ZBTB8A: variants seen among roughly 807,000 people sequenced by gnomAD.
ZBTB8A encodes zinc finger and BTB domain-containing protein 8A.
In ZBTB8A, 19 loss-of-function variants were observed where a neutral mutation model predicts 37.8. The ratio of observed to expected loss-of-function variants is 0.50; its 90% CI spans 0.35 to 0.74. The LOEUF is 0.74. Among genes scored for constraint, ZBTB8A ranks in the 30% least tolerant of loss-of-function variants. ZBTB8A has a pLI of 0.01. For missense variants in ZBTB8A, 394 were observed against 537.8 expected (o/e 0.73, Z 2.65); for synonymous variants, 181 against 185.2 (o/e 0.98, Z 0.19).
chr1:32,545,441 C>T (rs1375890572), intron 1 of ZBTB8A, among the ~76,000 whole-genome samples: 1 of 152,098 alleles, frequency 6.6e-6, no homozygotes, highest in East Asian at 1.9e-4. Context: ...TCCTTAGAGC[C>T]TCTAAACAGT....
At chr1:32,590,726 C>T (rs926313553) in intron 2 of ZBTB8A, among the ~76,000 whole-genome samples, 8 of 152,092 alleles carry the variant, frequency 5.3e-5, no homozygotes, top group Admixed American at 5.2e-4. Context: ...CTAATTCCTG[C>T]TCACCTTTGA....
intron 3 of ZBTB8A, 40 bp downstream of exon 3, chr1:32,593,794 A>C (rs750833444): frequency 6.7e-6 from 10 of 1,493,902 alleles, no homozygotes; most frequent in Non-Finnish European, 9.1e-6. Context: ...CCAGGTTCCA[A>C]ACTGCTATAT....
chr1:32,558,187 A>T (rs965343371), intron 2 of ZBTB8A, among the ~76,000 whole-genome samples: 3 of 152,136 alleles, frequency 2.0e-5, no homozygotes, highest in African/African-American at 7.2e-5. Context: ...CCTCTAAGAA[A>T]CAGATCATCT....
chr1:32,544,952 A>G (rs1358954335), intron 1 of ZBTB8A, among the ~76,000 whole-genome samples: 1 of 152,214 alleles, frequency 6.6e-6, no homozygotes, highest in Non-Finnish European at 1.5e-5. Context: ...AAATAATGCT[A>G]TTATAAACAT....
chr1:32,560,386 C>T (rs372383840), intron 2 of ZBTB8A, among the ~76,000 whole-genome samples: 2 of 152,264 alleles, frequency 1.3e-5, no homozygotes, highest in East Asian at 3.9e-4. Flanking sequence ...GACCCTTGAC[C>T]TGGGATGTCT....
At chr1:32,584,508 CTTTTTT>C (rs1177778440) in intron 2 of ZBTB8A, among the ~76,000 whole-genome samples, 1 of 117,876 alleles carries the variant, frequency 8.5e-6, no homozygotes, top group Non-Finnish European at 1.8e-5. Flanking sequence ...TTCTTTCTTT[CTTTTTT>C]TTTTTTTTTT....
Position 32,593,192 on chromosome 1 carries a change from ACTGT to A in ZBTB8A, c.264_267del (p.Ser89LeufsTer7), listed in dbSNP as rs1181663689. 6.2e-7 allele frequency: 1 copy of A among 1,614,002 alleles called. No individual in the cohort carries two copies. The highest frequency in any genetic ancestry group is 8.5e-7 in the Non-Finnish European group (1 of 1,180,050). ...TCTTGGACTTCGTATATTCTGGCAA[ACTGT>A]CTCTTACTGGTCAGAATGTCATAGA... On this transcript the variant is annotated frameshift_variant, in exon 3 of 5. Coordinates refer to ENST00000373510, the MANE Select transcript of ZBTB8A (RefSeq NM_001040441.3). LOFTEE classifies it high-confidence loss of function.
rs185229527 is a variant in ZBTB8A, at chr1:32,578,136, C to T, written c.-1-14795C>T. On this transcript the variant is annotated intron_variant, in intron 2 of 4. Transcript: ENST00000373510. ...GTCGCCCAGGCTGGCACAACCCTAG[C>T]TTACTGCAACCTCTACCTCCCGGGT... 1.8e-3 allele frequency among the ~76,000 whole-genome samples: 277 copies of T among 152,070 alleles called. 1 individual carries two copies. The highest frequency in any genetic ancestry group is 3.2e-4 in the Non-Finnish European group (22 of 67,990).
intron 2 of ZBTB8A, among the ~76,000 whole-genome samples, chr1:32,573,429 CT>C (rs1644337372): frequency 6.8e-6 from 1 of 147,988 alleles, no homozygotes; most frequent in African/African-American, 2.5e-5. Context: ...GAACTTTCTT[CT>C]TCTTTTTTTT....
At position 32,598,326 on chromosome 1, in the gene ZBTB8A, G is replaced by A. The variant is rs554362250; in HGVS notation, c.994-1761G>A. 2.7e-4 allele frequency among the ~76,000 whole-genome samples: 38 copies of A among 141,978 alleles called. No individual in the cohort carries two copies. In the East Asian group the frequency reaches 4.5e-3, roughly 17 times the overall value. 93.1% of individuals were successfully genotyped at this position (141,978 alleles called of 152,430 possible). A position where few individuals can be genotyped will look rare whatever the true frequency, so the allele number is the denominator to read the frequency against. On this transcript the variant is annotated intron_variant, in intron 4 of 4. Transcript: ENST00000373510. ...CAGCTCACTGCAACCTCCGCCTCCC[G>A]GGCTCAAGTGATTCTCCTGCCTCAG... is the stretch of plus-strand genomic sequence containing the variant.
intron 2 of ZBTB8A, among the ~76,000 whole-genome samples, chr1:32,585,702 G>GA (rs1158246307): frequency 6.6e-6 from 1 of 151,968 alleles, no homozygotes; most frequent in Non-Finnish European, 1.5e-5. Flanking sequence ...CAGCATTTTT[G>GA]AAAAAAATGT....
chr1:32,570,919 A>G (rs1458514024), intron 2 of ZBTB8A, among the ~76,000 whole-genome samples: 2 of 151,142 alleles, frequency 1.3e-5, no homozygotes, highest in Non-Finnish European at 2.9e-5. Flanking sequence ...TCTGTCACCC[A>G]GGCTGGAGTG....
At chr1:32,540,982 A>G (rs1004489236) in intron 1 of ZBTB8A, among the ~76,000 whole-genome samples, 2 of 152,258 alleles carry the variant, frequency 1.3e-5, no homozygotes, top group Admixed American at 6.5e-5. Context: ...TAGCCCTGAA[A>G]TCACCAGCTT....
In ZBTB8A at chr1:32,603,767, T is replaced by G. The variant is rs1255403571; in HGVS notation, c.*3348T>G. 1 of 152,656 alleles carries G rather than the reference T, an allele frequency of 6.6e-6. No individual in the cohort carries two copies. Among genetic ancestry groups the G allele is most frequent in the Admixed American group, 6.5e-5 (1 of 15,278 alleles). The allele number at this position is 152,656 out of a possible 1,614,324, so 9.5% of individuals were successfully genotyped here. A position where few individuals can be genotyped will look rare whatever the true frequency, so the allele number is the denominator to read the frequency against. On this transcript the variant is annotated 3_prime_UTR_variant, in exon 5 of 5. Coordinates refer to ENST00000373510, the MANE Select transcript of ZBTB8A (RefSeq NM_001040441.3). ...TTGCCTTTTCAGAAATAATGCTTTCTCATAATTGTTTATAACGAGCATCAA... is the reference window on the plus strand; with the variant it reads ...TTGCCTTTTCAGAAATAATGCTTTCGCATAATTGTTTATAACGAGCATCAA...
rs28679321 is a variant in ZBTB8A, at chr1:32,592,473, A to G, written c.-1-458A>G. Among the ~76,000 whole-genome samples the G allele has an allele frequency of 5.3e-3, 806 of 151,826 alleles. 6 individuals carry two copies. The highest frequency in any genetic ancestry group is 0.018 in the African/African-American group (737 of 41,472). ...GAGGATCACTTGAAACCAGGAGTTC[A>G]AGGTTGCAGTGAGCTTTTTTTGTTT... On this transcript the variant is annotated intron_variant, in intron 2 of 4. Transcript: ENST00000373510.
At position 32,604,755 on chromosome 1, in the gene ZBTB8A, T is replaced by C. The variant is rs1644601937; in HGVS notation, c.*4336T>C. Reference sequence around the variant, plus strand: ...TCATTAAAGTTATTTTGCCAAGTCATGCCAAGATATATTGAAATTTCCACT... The same window carrying C: ...TCATTAAAGTTATTTTGCCAAGTCACGCCAAGATATATTGAAATTTCCACT... On this transcript the variant is annotated 3_prime_UTR_variant, in exon 5 of 5. Transcript: ENST00000373510. 1 of 152,178 alleles carries C rather than the reference T, an allele frequency of 6.6e-6. No individual in the cohort carries two copies. The highest frequency in any genetic ancestry group is 1.5e-5 in the Non-Finnish European group (1 of 68,030). 9.4% of individuals were successfully genotyped at this position (152,178 alleles called of 1,614,324 possible).
chr1:32,547,828 C>CAAAAA (rs1194254576), intron 1 of ZBTB8A, among the ~76,000 whole-genome samples: 463 of 30,110 alleles, frequency 0.015, no homozygotes, highest in Non-Finnish European at 0.019. Context: ...ACAAACAAAG[C>CAAAAA]AAAAAAAAAA....
At chr1:32,595,323 A>C in intron 4 of ZBTB8A, 100 bp downstream of exon 4, 4 of 1,220,766 alleles carry the variant, frequency 3.3e-6, no homozygotes, top group Non-Finnish European at 4.7e-6. Context: ...GCTGGAGTAC[A>C]ATGGTGTAAT....
chr1:32,572,036 T>G (rs1644326562), intron 2 of ZBTB8A, among the ~76,000 whole-genome samples: 1 of 152,098 alleles, frequency 6.6e-6, no homozygotes, highest in African/African-American at 2.4e-5. Context: ...CCTGAGTAGC[T>G]GGGACTACAG....
Sources: allele counts gnomAD v4.1 joint callset (sites outside exome capture counted in the v4.1 genomes callset), GRCh38; gene constraint gnomAD v4.1.1; transcripts MANE v1.5; gene names NCBI Gene and HGNC (gene_info 2026-07-23, HGNC 2026-07-21).